The following SLC26A4 variants were observed in gnomAD, a reference collection of about 807,000 sequenced individuals.
The protein encoded by SLC26A4 is solute carrier family 26 member 4.
In SLC26A4, 93 loss-of-function variants were observed where a neutral mutation model predicts 90.4. The observed-to-expected ratio is 1.03, with a 90% CI of 0.87 to 1.22. SLC26A4 has a LOEUF of 1.22. SLC26A4 is among the 50% of genes most tolerant of loss of function. The pLI is 0.00. For missense variants in SLC26A4, 1,127 were observed against 946.2 expected (o/e 1.19, Z -2.51); for synonymous variants, 393 against 354.6 (o/e 1.11, Z -1.22).
At chr7:107,664,618 T>A (rs1790659789) in intron 3 of SLC26A4, among the ~76,000 whole-genome samples, 1 of 152,226 alleles carries the variant, frequency 6.6e-6, no homozygotes, top group Admixed American at 6.5e-5. Context: ...ACATGAATGT[T>A]TTGCCTGCCC....
rs1791190481 is a variant in SLC26A4, at chr7:107,680,311, A to G, written c.766-2891A>G. On this transcript the variant is annotated intron_variant, in intron 6 of 20. Coordinates refer to ENST00000644269, the MANE Select transcript of SLC26A4 (RefSeq NM_000441.2). ...TTATCTTATTATATAATATAATCTT[A>G]TATTATTATATAATCTTATCTTATT... 2.2e-5 allele frequency among the ~76,000 whole-genome samples: 3 copies of G among 137,998 alleles called. No homozygotes were observed. The South Asian group carries it at 6.6e-4, about 30-fold the overall frequency. The allele number at this position is 137,998 out of a possible 152,430, so 90.5% of individuals were successfully genotyped here. A position where few individuals can be genotyped will look rare whatever the true frequency, so the allele number is the denominator to read the frequency against.
chr7:107,673,313 T>C (rs1199397082), intron 4 of SLC26A4, among the ~76,000 whole-genome samples: 3 of 152,110 alleles, frequency 2.0e-5, no homozygotes, highest in African/African-American at 7.2e-5. Flanking sequence ...TATAAAATCT[T>C]ACAGATTGAC....
intron 6 of SLC26A4, among the ~76,000 whole-genome samples, chr7:107,677,288 C>G (rs950471769): frequency 6.6e-6 from 1 of 152,164 alleles, no homozygotes; most frequent in South Asian, 2.1e-4. Context: ...ACCCACTACC[C>G]ATGATGTTTA....
intron 15 of SLC26A4, among the ~76,000 whole-genome samples, chr7:107,700,779 C>T (rs1359719433): frequency 6.6e-6 from 1 of 152,148 alleles, no homozygotes; most frequent in Non-Finnish European, 1.5e-5. Context: ...TTTGCAATAA[C>T]AAAAGGGCTC....
chr7:107,691,192 A>C (rs901852213), intron 10 of SLC26A4, among the ~76,000 whole-genome samples: 3 of 150,938 alleles, frequency 2.0e-5, no homozygotes, highest in Admixed American at 1.3e-4. Context: ...GGTTTTACTA[A>C]GGCGGGGACA....
Position 107,710,092 on chromosome 7 carries a change from G to A in SLC26A4, c.2128G>A (p.Asp710Asn). Reference protein sequence around the residue: ...IEKLEQCGFFDDNIRKDTFFL... With the variant: ...IEKLEQCGFFNDNIRKDTFFL... The stretch of plus-strand genomic sequence containing the variant: ...AAAGCTGGAGCAATGCGGGTTCTTT[G>A]ACGACAACATTAGAAAGGACACATT... The change falls in exon 19 of 21, where the codon GAC (aspartate) becomes AAC (asparagine). Residue 710 changes from aspartate (D) to asparagine (N), a missense_variant. Coordinates refer to ENST00000644269, the MANE Select transcript of SLC26A4 (RefSeq NM_000441.2). 2 of 1,612,466 alleles carry A rather than the reference G, an allele frequency of 1.2e-6. No individual in the cohort carries two copies. The highest frequency in any genetic ancestry group is 1.7e-6 in the Non-Finnish European group (2 of 1,178,490).
intron 4 of SLC26A4, among the ~76,000 whole-genome samples, chr7:107,672,896 C>T (rs552902716): frequency 5.3e-5 from 8 of 152,162 alleles, no homozygotes; most frequent in Non-Finnish European, 1.2e-4. Flanking sequence ...GTGACTTTGA[C>T]ATTTATACTA....
At position 107,672,243 on chromosome 7, in the gene SLC26A4, C is replaced by T; in HGVS notation, c.410C>T (p.Ser137Leu). The T allele has an allele frequency of 6.4e-7, 1 of 1,568,640 alleles. No individual in the cohort carries two copies. The highest frequency in any genetic ancestry group is 8.8e-7 in the Non-Finnish European group (1 of 1,138,898). ...ATCTTTGGAACATCAAGACATATCT[C>T]AGTTGGTAATTATAAGTATATTTTA... ...YFIFGTSRHI[S>L]VGPFPVVSLM... The change falls in exon 4 of 21, where the codon TCA becomes TTA. Residue 137 changes from serine (S) to leucine (L), a missense_variant. Ser to Leu is a moderately radical substitution (Grantham distance 145). Transcript: ENST00000644269.
chr7:107,713,757 A>G (rs1156399260), intron 20 of SLC26A4, among the ~76,000 whole-genome samples: 2 of 152,244 alleles, frequency 1.3e-5, no homozygotes, highest in African/African-American at 2.4e-5. Flanking sequence ...CCAACTAAAG[A>G]CTGGGGCATT....
At chr7:107,707,278 T>G (rs1792059976) in intron 18 of SLC26A4, among the ~76,000 whole-genome samples, 1 of 152,250 alleles carries the variant, frequency 6.6e-6, no homozygotes, top group Non-Finnish European at 1.5e-5. Flanking sequence ...CCTGTAATTC[T>G]TCTCCATCAG....
chr7:107,707,404 T>C (rs907297107), intron 18 of SLC26A4, among the ~76,000 whole-genome samples: 6 of 152,232 alleles, frequency 3.9e-5, no homozygotes, highest in African/African-American at 1.2e-4. Context: ...AGAGTTCTTT[T>C]CATTCTTCCC....
chr7:107,703,839 A>G (rs1045796448), intron 17 of SLC26A4, among the ~76,000 whole-genome samples: 1 of 152,226 alleles, frequency 6.6e-6, no homozygotes, highest in African/African-American at 2.4e-5. Context: ...ATTCACATGT[A>G]GTTGTAAGGA....
intron 3 of SLC26A4, among the ~76,000 whole-genome samples, chr7:107,670,402 C>T (rs148129384): frequency 1.6e-4 from 24 of 152,134 alleles, no homozygotes; most frequent in African/African-American, 5.8e-4. Flanking sequence ...TCACCGCGCC[C>T]GGTCCCTCCG....
intron 18 of SLC26A4, among the ~76,000 whole-genome samples, chr7:107,709,337 A>C (rs1224856370): frequency 6.6e-6 from 1 of 152,202 alleles, no homozygotes; most frequent in Non-Finnish European, 1.5e-5. Flanking sequence ...CAGTGGTGCA[A>C]CTGTGGCTCA....
intron 2 of SLC26A4, 148 bp from the exon 3 acceptor site, chr7:107,663,148 C>A (rs1295676850): frequency 5.6e-6 from 5 of 889,340 alleles, no homozygotes; most frequent in Non-Finnish European, 9.4e-6. Flanking sequence ...GCATGGTAAG[C>A]ACTTCAGGGT....
intron 19 of SLC26A4, 28 bp from the exon 20 acceptor site, chr7:107,712,511 A>G (rs753387939): frequency 1.7e-6 from 2 of 1,200,210 alleles, no homozygotes; most frequent in South Asian, 2.4e-5. Flanking sequence ...ATGCTATTCT[A>G]TTTCTACCCT....
At chr7:107,697,554 A>G (rs949185814) in intron 13 of SLC26A4, among the ~76,000 whole-genome samples, 1 of 152,212 alleles carries the variant, frequency 6.6e-6, no homozygotes, top group Non-Finnish European at 1.5e-5. Flanking sequence ...CTGGTCCTCC[A>G]GTCTCCTATT....
intron 3 of SLC26A4, among the ~76,000 whole-genome samples, chr7:107,668,813 T>C (rs1029984156): frequency 5.3e-5 from 8 of 152,190 alleles, no homozygotes; most frequent in Admixed American, 3.3e-4. Flanking sequence ...CGTCCTCACA[T>C]GGTGGAAGGC....
intron 10 of SLC26A4, among the ~76,000 whole-genome samples, chr7:107,692,517 G>T (rs935378734): frequency 1.1e-4 from 17 of 152,168 alleles, no homozygotes; most frequent in African/African-American, 3.6e-4. Flanking sequence ...GGCAAGAATA[G>T]CATCTTAGCA....
Sources: gnomAD v4.1 joint callset for allele counts (sites outside exome capture counted in the v4.1 genomes callset) on GRCh38, gnomAD v4.1.1 for gene constraint, MANE v1.5 for transcripts, NCBI Gene and HGNC (gene_info 2026-07-23, HGNC 2026-07-21) for gene names.